DYNC2LI1: variants seen among roughly 807,000 people sequenced by gnomAD.
The protein encoded by DYNC2LI1 is dynein cytoplasmic 2 light intermediate chain 1.
Under a neutral mutation model 51.9 loss-of-function variants are expected in DYNC2LI1, and 45 were observed. The ratio of observed to expected loss-of-function variants is 0.87; its 90% CI spans 0.68 to 1.11. The LOEUF (loss-of-function observed/expected upper bound fraction) is 1.11. Ranked by LOEUF, DYNC2LI1 falls within the 50% of genes most tolerant of loss-of-function variation. The pLI, the probability that DYNC2LI1 is intolerant of heterozygous loss-of-function variation, is 0.00. For synonymous variants in DYNC2LI1, 130 were observed against 137.8 expected, an observed-to-expected ratio of 0.94 and a Z score of 0.40; for missense variants, 490 against 417.4, an observed-to-expected ratio of 1.17 and a Z score of -1.51.
At chr2:43,820,729 T>C in the DYNC2LI1 span, among the ~76,000 whole-genome samples, 1 of 152,274 alleles carries the variant, frequency 6.6e-6, no homozygotes, top group African/African-American at 2.4e-5. Flanking sequence ...TCTTGGCTCA[T>C]TGCAACCTCT....
intron 5 of DYNC2LI1, among the ~76,000 whole-genome samples, chr2:43,792,505 A>C (rs1392904497): frequency 1.3e-5 from 2 of 152,186 alleles, no homozygotes; most frequent in Non-Finnish European, 2.9e-5. Flanking sequence ...ACAAATGTTT[A>C]GTTTTTATTG....
the DYNC2LI1 span, among the ~76,000 whole-genome samples, chr2:43,823,433 G>A: frequency 2.0e-5 from 3 of 152,076 alleles, no homozygotes; most frequent in Admixed American, 1.3e-4. Flanking sequence ...CCCTAACAGT[G>A]TTGCCTTTGG....
chr2:43,799,155 G>T (rs186562224), intron 8 of DYNC2LI1, among the ~76,000 whole-genome samples: 13 of 152,158 alleles, frequency 8.5e-5, no homozygotes, highest in Admixed American at 6.5e-4. Context: ...TTTTTAATTA[G>T]CCAGTCATCA....
intron 5 of DYNC2LI1, 141 bp downstream of exon 5, chr2:43,789,862 T>C (rs1217592762): frequency 3.2e-6 from 2 of 620,094 alleles, no homozygotes; most frequent in Non-Finnish European, 5.3e-6. Context: ...TCTAAATGCC[T>C]AACCTGTAAT....
the DYNC2LI1 span, chr2:43,824,708 C>A: frequency 1.1e-6 from 1 of 934,710 alleles, no homozygotes; most frequent in Admixed American, 6.2e-5. Flanking sequence ...GATCCCTGAC[C>A]TCATTCTGAT....
At chr2:43,822,470 T>G in the DYNC2LI1 span, 3,401 of 352,262 alleles carry the variant, frequency 9.7e-3, 5 homozygotes, top group South Asian at 0.012. Context: ...CTTTCTCCCC[T>G]CCCCCAGGCC....
At chr2:43,822,495 T>G in the DYNC2LI1 span, 34 of 480,758 alleles carry the variant, frequency 7.1e-5, no homozygotes, top group South Asian at 2.1e-4. Context: ...CCCATGCACC[T>G]GGGTCCTAGC....
In DYNC2LI1 at chr2:43,795,925, G is replaced by C; in HGVS notation, c.543G>C (p.Leu181=). Residue 181 remains leucine, a synonymous_variant, in exon 7 of 13, where the codon CTG becomes CTC. Transcript: ENST00000260605. ...HELIDPFPVP[L]VIIGSKYDVF... ...TAATTGACCCATTTCCGGTACCTCT[G>C]GTCATAATTGGAAGTAAATATGATG... 6.2e-7 allele frequency: 1 copy of C among 1,613,286 alleles called. No individual in the cohort carries two copies. The highest frequency in any genetic ancestry group is 1.1e-5 in the South Asian group (1 of 91,030).
At position 43,787,174 on chromosome 2, in the gene DYNC2LI1, T is replaced by G. The variant is rs746606180; in HGVS notation, c.162-7T>G. On this transcript the variant is annotated splice_region_variant and splice_polypyrimidine_tract_variant and intron_variant, in intron 3 of 12. Coordinates refer to ENST00000260605, the MANE Select transcript of DYNC2LI1 (RefSeq NM_016008.4). Reference sequence around the variant, plus strand: ...CAATGATAATACTATCGGCCTTTATTATACAGAGATGAACCACCAAAACCA... The same window carrying G: ...CAATGATAATACTATCGGCCTTTATGATACAGAGATGAACCACCAAAACCA... 5 of 1,609,362 alleles carry G rather than the reference T, an allele frequency of 3.1e-6. No individual in the cohort carries two copies. The Admixed American group carries it at 5.0e-5, about 16-fold the overall frequency.
At chr2:43,798,031 G>A (rs1246350516) in intron 8 of DYNC2LI1, among the ~76,000 whole-genome samples, 1 of 152,044 alleles carries the variant, frequency 6.6e-6, no homozygotes, top group Non-Finnish European at 1.5e-5. Context: ...GGAGGCTGAG[G>A]TGGGAGGATC....
At chr2:43,788,761 C>G (rs1460531893) in intron 4 of DYNC2LI1, among the ~76,000 whole-genome samples, 1 of 152,118 alleles carries the variant, frequency 6.6e-6, no homozygotes, top group Non-Finnish European at 1.5e-5. Flanking sequence ...ACTGTCACCA[C>G]AAATTCACTA....
At chr2:43,786,997 C>A (rs1673553490) in intron 3 of DYNC2LI1, among the ~76,000 whole-genome samples, 184 bp from the exon 4 acceptor site, 1 of 152,208 alleles carries the variant, frequency 6.6e-6, no homozygotes, top group Admixed American at 6.5e-5. Flanking sequence ...CTGTTAAAAT[C>A]CACTAAGACG....
At chr2:43,813,421 T>G, downstream of DYNC2LI1, 1 of 772,706 alleles carries the variant, frequency 1.3e-6, no homozygotes, top group Non-Finnish European at 2.2e-6. Context: ...CAGGACACTT[T>G]AGCAAGCCCA....
intron 2 of DYNC2LI1, among the ~76,000 whole-genome samples, chr2:43,779,101 A>G (rs1006319781): frequency 1.3e-5 from 2 of 152,084 alleles, no homozygotes; most frequent in Non-Finnish European, 1.5e-5. Flanking sequence ...CCCCAAAAAA[A>G]TAAAACAATT....
downstream of DYNC2LI1, chr2:43,814,670 A>C (rs1237412265): frequency 2.5e-6 from 2 of 814,334 alleles, no homozygotes; most frequent in Non-Finnish European, 2.0e-6. Flanking sequence ...CAATCCTTAT[A>C]TTTTCCAACA....
At chr2:43,810,572 A>T, downstream of DYNC2LI1, 1 of 945,940 alleles carries the variant, frequency 1.1e-6, no homozygotes, top group Non-Finnish European at 1.3e-6. Context: ...ATGTTCTTCC[A>T]TGTCCACATA....
rs189272985 is a variant in DYNC2LI1, at chr2:43,809,544, C to A, written c.994-161C>A. 3.1e-3 allele frequency among the ~76,000 whole-genome samples: 466 copies of A among 152,204 alleles called. 3 individuals carry two copies. Among genetic ancestry groups the A allele is most frequent in the African/African-American group, 0.011 (442 of 41,528 alleles). ...AGACAGTATTTCTAGAAAATAAGTC[C>A]TAAGCATAATCATTTACAAAATAAT... is the stretch of plus-strand genomic sequence containing the variant. On this transcript the variant is annotated intron_variant, in intron 12 of 12. Transcript: ENST00000260605.
At chr2:43,813,399 T>A, downstream of DYNC2LI1, 1 of 890,056 alleles carries the variant, frequency 1.1e-6, no homozygotes, top group Non-Finnish European at 1.8e-6. Context: ...TAAGTACCCT[T>A]AATGAAAAAT....
intron 1 of DYNC2LI1, among the ~76,000 whole-genome samples, chr2:43,776,103 G>A (rs1015974351): frequency 1.3e-5 from 2 of 151,766 alleles, no homozygotes; most frequent in Non-Finnish European, 1.5e-5. Context: ...TGTTACATAT[G>A]TATACATGTG....
Sources: allele counts gnomAD v4.1 joint callset (sites outside exome capture counted in the v4.1 genomes callset), GRCh38; gene constraint gnomAD v4.1.1; transcripts MANE v1.5; gene names NCBI Gene and HGNC (gene_info 2026-07-23, HGNC 2026-07-21).